RUFY3: variants seen among roughly 807,000 people sequenced by gnomAD.
RUFY3 encodes protein RUFY3.
RUFY3 carries 34 observed loss-of-function variants against 84.0 expected under a neutral mutation model. The ratio of observed to expected loss-of-function variants is 0.40; its 90% CI spans 0.31 to 0.54. The LOEUF (loss-of-function observed/expected upper bound fraction) is 0.54. RUFY3 is among the 20% of genes least tolerant of loss of function. The pLI, the probability that RUFY3 is intolerant of heterozygous loss-of-function variation, is 0.39. For synonymous variants in RUFY3, 242 were observed against 252.9 expected (o/e 0.96, Z 0.41); for missense variants, 507 against 736.8 (o/e 0.69, Z 3.61).
chr4:70,779,437 TTTTAC>T (rs1391275851), intron 8 of RUFY3, among the ~76,000 whole-genome samples: 3 of 152,180 alleles, frequency 2.0e-5, no homozygotes, highest in Non-Finnish European at 1.5e-5. Context: ...TAACCTCATG[TTTTAC>T]TTCTAATAAA....
At chr4:70,755,814 GGCA>G (rs1723914469) in intron 1 of RUFY3, among the ~76,000 whole-genome samples, 1 of 152,030 alleles carries the variant, frequency 6.6e-6, no homozygotes, top group African/African-American at 2.4e-5. Context: ...AGCCGGGCGT[GGCA>G]GCAGGTGCCT....
At chr4:70,742,556 T>C (rs1721492262) in intron 1 of RUFY3, among the ~76,000 whole-genome samples, 1 of 152,224 alleles carries the variant, frequency 6.6e-6, no homozygotes, top group Non-Finnish European at 1.5e-5. Context: ...ATTTACTCTT[T>C]GACAGCTTTG....
At chr4:70,798,568 G>A (rs1249353288) in intron 14 of RUFY3, among the ~76,000 whole-genome samples, 1 of 151,792 alleles carries the variant, frequency 6.6e-6, no homozygotes, top group Non-Finnish European at 1.5e-5. Flanking sequence ...GATTGCCTGA[G>A]CCCAGGAGTT....
intron 1 of RUFY3, among the ~76,000 whole-genome samples, chr4:70,750,203 A>T (rs945873909): frequency 4.6e-5 from 7 of 152,158 alleles, no homozygotes; most frequent in Non-Finnish European, 1.0e-4. Flanking sequence ...TATAGTACGT[A>T]AAAAGAATAG....
chr4:70,775,820 C>G (rs1440457448), intron 7 of RUFY3, among the ~76,000 whole-genome samples: 1 of 152,004 alleles, frequency 6.6e-6, no homozygotes, highest in Non-Finnish European at 1.5e-5. Flanking sequence ...TGCCTGTAGT[C>G]CCAGCTACTT....
intron 14 of RUFY3, among the ~76,000 whole-genome samples, chr4:70,796,177 T>C (rs1035433810): frequency 1.3e-5 from 2 of 152,048 alleles, no homozygotes; most frequent in Non-Finnish European, 2.9e-5. Flanking sequence ...CCAGCCTGGG[T>C]GACAGAGCAA....
chr4:70,791,854 A>C (rs1306934015), intron 12 of RUFY3: 24 of 985,600 alleles, frequency 2.4e-5, no homozygotes, highest in Non-Finnish European at 2.9e-5. Flanking sequence ...ATTTCACTAC[A>C]CTTCTATTCT....
At chr4:70,797,233 G>A (rs112993597) in intron 14 of RUFY3, among the ~76,000 whole-genome samples, 6 of 152,096 alleles carry the variant, frequency 3.9e-5, no homozygotes, top group Non-Finnish European at 7.4e-5. Flanking sequence ...ATGAGCCACC[G>A]TGCCCAGCCC....
intron 1 of RUFY3, among the ~76,000 whole-genome samples, chr4:70,749,041 C>T (rs1489440226): frequency 6.6e-6 from 1 of 152,146 alleles, no homozygotes; most frequent in African/African-American, 2.4e-5. Flanking sequence ...TGCGATTGCC[C>T]TCTCACATCC....
intron 9 of RUFY3, among the ~76,000 whole-genome samples, chr4:70,784,068 G>C (rs549637904): frequency 4.5e-4 from 69 of 152,176 alleles, no homozygotes; most frequent in Non-Finnish European, 8.7e-4. Context: ...ATAATGCATG[G>C]ACTTCATGAC....
At chr4:70,763,970 T>C (rs1034184061) in intron 3 of RUFY3, among the ~76,000 whole-genome samples, 9 of 152,194 alleles carry the variant, frequency 5.9e-5, no homozygotes, top group Admixed American at 5.2e-4. Context: ...TGTACTTGAC[T>C]TAGGGAAAAA....
At chr4:70,739,807 T>C (rs904319436) in intron 1 of RUFY3, among the ~76,000 whole-genome samples, 4 of 148,268 alleles carry the variant, frequency 2.7e-5, no homozygotes, top group African/African-American at 1.0e-4. Flanking sequence ...TACCAGACCA[T>C]GTACTCCAGA....
chr4:70,783,485 ATACTAT>A (rs1729274938), intron 9 of RUFY3, among the ~76,000 whole-genome samples: 1 of 152,242 alleles, frequency 6.6e-6, no homozygotes, highest in East Asian at 1.9e-4. Context: ...TATGTTAAAC[ATACTAT>A]TACTTTTATA....
chr4:70,793,720 A>C, intron 12 of RUFY3, 65 bp from the exon 13 acceptor site: 1 of 1,611,720 alleles, frequency 6.2e-7, no homozygotes, highest in Non-Finnish European at 8.5e-7. Flanking sequence ...TTGTGTTGTG[A>C]ACTTGGTCTT....
Position 70,783,186 on chromosome 4 carries a change from T to TA in RUFY3, c.987+5dup. 6.5e-7 allele frequency: 1 copy of TA among 1,544,874 alleles called. No homozygotes were observed. On this transcript the variant is annotated splice_donor_region_variant and intron_variant, in intron 9 of 17. Coordinates refer to ENST00000381006, the MANE Select transcript of RUFY3 (RefSeq NM_001037442.4). ...ACATACTGGAATCCAATCGGAAGGT[T>TA]AATCTTACTGGATTTATAAAATATT...
At chr4:70,767,614 G>GT (rs1002446882) in intron 4 of RUFY3, among the ~76,000 whole-genome samples, 9 of 151,924 alleles carry the variant, frequency 5.9e-5, no homozygotes, top group African/African-American at 9.6e-5. Flanking sequence ...TACATCACTG[G>GT]TTTTTTTGTG....
At chr4:70,799,876 G>GT (rs1215954327) in intron 14 of RUFY3, 39 of 343,668 alleles carry the variant, frequency 1.1e-4, no homozygotes, top group Non-Finnish European at 9.3e-5. Flanking sequence ...AACTTTGCAA[G>GT]TAAGTAGAAT....
At chr4:70,720,350 A>T (rs1322972701), upstream of RUFY3, among the ~76,000 whole-genome samples, 2 of 151,928 alleles carry the variant, frequency 1.3e-5, no homozygotes, top group Admixed American at 1.3e-4. Context: ...CATCTGACTA[A>T]TTTTTGTATT....
chr4:70,746,530 G>A (rs867794912), intron 1 of RUFY3, among the ~76,000 whole-genome samples: 37 of 148,818 alleles, frequency 2.5e-4, no homozygotes, highest in Middle Eastern at 3.5e-3. Context: ...AAAAAGTTAT[G>A]TACATGGAAG....
Sources: allele counts gnomAD v4.1 joint callset (sites outside exome capture counted in the v4.1 genomes callset), GRCh38; gene constraint gnomAD v4.1.1; transcripts MANE v1.5; gene names NCBI Gene and HGNC (gene_info 2026-07-23, HGNC 2026-07-21).